The following GALNT18 variants were observed in gnomAD, a reference collection of about 807,000 sequenced individuals.
The protein encoded by GALNT18 is GalNAc-transferase 18.
Under a neutral mutation model 69.5 loss-of-function variants are expected in GALNT18, and 44 were observed. The ratio of observed to expected loss-of-function variants is 0.63; its 90% CI spans 0.50 to 0.81. The LOEUF (loss-of-function observed/expected upper bound fraction) is 0.81, where lower values mean the gene tolerates loss of function less well. Ranked by LOEUF, GALNT18 falls within the 40% of genes least tolerant of loss-of-function variation. GALNT18 has a pLI of 0.00. For synonymous variants in GALNT18, 364 were observed against 318.2 expected (o/e 1.14, Z -1.53); for missense variants, 715 against 810.0 (o/e 0.88, Z 1.42).
chr11:11,424,222 G>T (rs1040606377), intron 3 of GALNT18, among the ~76,000 whole-genome samples: 1 of 152,140 alleles, frequency 6.6e-6, no homozygotes, highest in Non-Finnish European at 1.5e-5. Context: ...TGCATGTGGC[G>T]GCTGTCCTGG....
chr11:11,595,927 T>G lies in GALNT18; in HGVS notation c.235+25432A>C, dbSNP rs1467036084. ...CAATTTATCCATTTTTTTTTGTCAC[T>G]GTGCTTTTGATGTCATACCTAAGTG... On this transcript the variant is annotated intron_variant, in intron 1 of 10. Coordinates refer to ENST00000227756, the MANE Select transcript of GALNT18 (RefSeq NM_198516.3). This position sits in a 1 kb window ranked among gnomAD's most constrained non-coding sequence, Gnocchi z 5.2. Among the ~76,000 whole-genome samples the G allele has an allele frequency of 2.0e-5, 3 of 152,210 alleles. No homozygotes were observed. The highest frequency in any genetic ancestry group is 7.2e-5 in the African/African-American group (3 of 41,470).
intron 3 of GALNT18, among the ~76,000 whole-genome samples, chr11:11,392,752 C>T (rs1322695131): frequency 6.6e-6 from 1 of 152,222 alleles, no homozygotes; most frequent in South Asian, 2.1e-4. Flanking sequence ...CCCATTCAAT[C>T]CTTTTGGGAC....
At chr11:11,397,700 G>A (rs1182140885) in intron 3 of GALNT18, among the ~76,000 whole-genome samples, 1 of 151,764 alleles carries the variant, frequency 6.6e-6, no homozygotes, top group Non-Finnish European at 1.5e-5. Context: ...TGAACTCCTG[G>A]GCTCAAGTGA....
intron 1 of GALNT18, among the ~76,000 whole-genome samples, chr11:11,452,115 G>A (rs1390266336): frequency 6.6e-6 from 1 of 152,192 alleles, no homozygotes; most frequent in Non-Finnish European, 1.5e-5. Flanking sequence ...ATTTTCCCGA[G>A]CCCTGTCTGC....
At chr11:11,535,831 C>T (rs1050768293) in intron 1 of GALNT18, among the ~76,000 whole-genome samples, 1 of 152,202 alleles carries the variant, frequency 6.6e-6, no homozygotes, top group African/African-American at 2.4e-5. Context: ...TGTTGTATGC[C>T]ATGTTTGTCC....
chr11:11,549,803 C>T (rs189800846), intron 1 of GALNT18, among the ~76,000 whole-genome samples: 3 of 152,198 alleles, frequency 2.0e-5, no homozygotes, highest in Admixed American at 2.0e-4. Context: ...TGGAGGAGAA[C>T]CTAACCCACA....
intron 9 of GALNT18, among the ~76,000 whole-genome samples, chr11:11,313,354 C>T (rs1268792401): frequency 6.6e-6 from 1 of 152,188 alleles, no homozygotes; most frequent in African/African-American, 2.4e-5. Flanking sequence ...ATTTTCAAAT[C>T]TCCTCCAACC....
At chr11:11,292,923 T>C (rs576653157) in intron 10 of GALNT18, 106 bp downstream of exon 10, 1 of 1,063,538 alleles carries the variant, frequency 9.4e-7, no homozygotes, top group Non-Finnish European at 1.3e-6. Context: ...TGCCAGTCTG[T>C]CTCTCCTTCC....
intron 6 of GALNT18, among the ~76,000 whole-genome samples, chr11:11,365,246 G>A (rs1850737991): frequency 6.6e-6 from 1 of 152,126 alleles, no homozygotes; most frequent in Non-Finnish European, 1.5e-5. Context: ...AACATGTGGT[G>A]TTTGGTTTTC....
chr11:11,360,116 G>C (rs548189720), intron 6 of GALNT18, among the ~76,000 whole-genome samples: 2 of 152,006 alleles, frequency 1.3e-5, no homozygotes, highest in Non-Finnish European at 2.9e-5. Context: ...CTGCTTTATG[G>C]AATAAAGCAC....
rs780999964 is a variant in GALNT18 at position 11,352,900 on chromosome 11, T to G, written c.1093-11896A>C. ...ATTTCACGCTTAATTTTCTTCTTTT[T>G]TACTGGCTTGAGAATTTTAACAACA... On this transcript the variant is annotated intron_variant, in intron 6 of 10. Transcript: ENST00000227756. 2.5e-6 allele frequency: 4 copies of G among 1,614,104 alleles called. No homozygotes were observed. In the African/African-American group the frequency reaches 5.3e-5, roughly 22 times the overall value.
At chr11:11,276,324 CTGTT>C (rs1279995478) in intron 10 of GALNT18, among the ~76,000 whole-genome samples, 1 of 151,992 alleles carries the variant, frequency 6.6e-6, no homozygotes, top group Non-Finnish European at 1.5e-5. Context: ...CATGATTTGG[CTGTT>C]TGTCTTTTAT....
intron 1 of GALNT18, among the ~76,000 whole-genome samples, chr11:11,491,574 C>T (rs764777625): frequency 6.6e-6 from 1 of 152,228 alleles, no homozygotes; most frequent in Non-Finnish European, 1.5e-5. Context: ...CTAAAACCTC[C>T]CTATGGATTT....
intron 2 of GALNT18, among the ~76,000 whole-genome samples, chr11:11,441,579 T>G (rs182620683): frequency 1.3e-5 from 2 of 152,260 alleles, no homozygotes; most frequent in Admixed American, 1.3e-4. Context: ...TGTTCGGTAT[T>G]CCCCTTTATA....
intron 1 of GALNT18, among the ~76,000 whole-genome samples, chr11:11,514,154 GA>G (rs1415915653): frequency 6.6e-6 from 1 of 152,256 alleles, no homozygotes; most frequent in Non-Finnish European, 1.5e-5. Flanking sequence ...CATCACAGAA[GA>G]GGAAACTGAG....
At chr11:11,468,407 T>C (rs953380185) in intron 1 of GALNT18, among the ~76,000 whole-genome samples, 87 of 152,338 alleles carry the variant, frequency 5.7e-4, no homozygotes, top group African/African-American at 2.0e-3. Flanking sequence ...AGTGCTCGCC[T>C]CCTTCCTGCC....
At chr11:11,545,804 A>C (rs1858041454) in intron 1 of GALNT18, among the ~76,000 whole-genome samples, 1 of 152,182 alleles carries the variant, frequency 6.6e-6, no homozygotes, top group African/African-American at 2.4e-5. Flanking sequence ...GAAATTCTGC[A>C]TTGTCCTGAG....
intron 1 of GALNT18, among the ~76,000 whole-genome samples, chr11:11,506,993 G>C (rs980635361): frequency 3.9e-5 from 6 of 152,180 alleles, no homozygotes; most frequent in Non-Finnish European, 7.3e-5. Flanking sequence ...CCAATAGAAA[G>C]AGCACCTGCA....
rs1336645444 is a variant in GALNT18 at position 11,541,476 on chromosome 11, T to A, written c.235+79883A>T. On this transcript the variant is annotated intron_variant, in intron 1 of 10. Transcript: ENST00000227756. This position sits in a 1 kb window ranked among gnomAD's most constrained non-coding sequence, Gnocchi z 4.8. ...CTTCCACCTGTAGTTGGGGTGATCT[T>A]TCTAGACCACAAACCTCGTCATGCC... Among the ~76,000 whole-genome samples, 1 of 152,202 alleles carries A rather than the reference T, an allele frequency of 6.6e-6. No individual in the cohort carries two copies. The highest frequency in any genetic ancestry group is 2.4e-5 in the African/African-American group (1 of 41,456).
Sources: allele counts gnomAD v4.1 joint callset (sites outside exome capture counted in the v4.1 genomes callset), GRCh38; gene constraint gnomAD v4.1.1; non-coding constraint Gnocchi (gnomAD v3.1); transcripts MANE v1.5; gene names NCBI Gene and HGNC (gene_info 2026-07-23, HGNC 2026-07-21).